MCOLN3: variants seen among roughly 807,000 people sequenced by gnomAD.
MCOLN3 encodes the protein mucolipin-3.
Under a neutral mutation model 69.4 loss-of-function variants are expected in MCOLN3, and 62 were observed. That is an observed-to-expected ratio of 0.89 (90% confidence interval 0.73 to 1.10). The LOEUF (loss-of-function observed/expected upper bound fraction) is 1.10, where lower values mean the gene tolerates loss of function less well. Ranked by LOEUF, MCOLN3 falls within the 50% of genes least tolerant of loss-of-function variation. MCOLN3 has a pLI of 0.00. For synonymous variants in MCOLN3, 183 were observed against 217.0 expected (o/e 0.84, Z 1.38); for missense variants, 564 against 656.4 (o/e 0.86, Z 1.54).
chr1:85,038,428 G>A (rs1276648134), intron 3 of MCOLN3, among the ~76,000 whole-genome samples: 1 of 152,122 alleles, frequency 6.6e-6, no homozygotes, highest in Non-Finnish European at 1.5e-5. Context: ...AGAAAATAAG[G>A]TCTCTCACAT....
intron 7 of MCOLN3, among the ~76,000 whole-genome samples, chr1:85,027,716 G>A (rs1445073955): frequency 6.6e-6 from 1 of 152,158 alleles, no homozygotes; most frequent in Non-Finnish European, 1.5e-5. Context: ...GTAAAGGAAG[G>A]CCTCACTGAG....
intron 6 of MCOLN3, chr1:85,029,412 T>C (rs559959341): frequency 7.8e-6 from 4 of 510,546 alleles, no homozygotes; most frequent in Admixed American, 3.4e-5. Flanking sequence ...ACAGAGACCC[T>C]GTAGTCTCTA....
rs1652605347 is a variant in MCOLN3 at position 85,032,800 on chromosome 1, A to C, written c.636-8T>G. ...AGCTCCACTGTTAGGAGTCTAGAAAACAGAGGTGATTTTAGTTCTGTGGCA... is the reference window on the plus strand; with the variant it reads ...AGCTCCACTGTTAGGAGTCTAGAAACCAGAGGTGATTTTAGTTCTGTGGCA... On this transcript the variant is annotated splice_polypyrimidine_tract_variant and splice_region_variant and intron_variant, in intron 5 of 12. Transcript: ENST00000370589. The C allele has an allele frequency of 6.2e-7, 1 of 1,613,972 alleles. No individual in the cohort carries two copies. The highest frequency in any genetic ancestry group is 8.5e-7 in the Non-Finnish European group (1 of 1,179,822).
intron 6 of MCOLN3, among the ~76,000 whole-genome samples, chr1:85,030,625 A>G (rs1180049965): frequency 6.6e-6 from 1 of 152,218 alleles, no homozygotes; most frequent in Admixed American, 6.5e-5. Context: ...CAGATCCAAG[A>G]TGCTCAATGA....
At chr1:85,026,848 C>T (rs1002268204) in intron 7 of MCOLN3, among the ~76,000 whole-genome samples, 1 of 138,870 alleles carries the variant, frequency 7.2e-6, no homozygotes, top group Non-Finnish European at 1.6e-5. Context: ...AATTACCTCC[C>T]TGCATATTCT....
chr1:85,022,365 A>C lies in MCOLN3; in HGVS notation c.1131T>G (p.Leu377=). ...GCCACACGAGCATGGTAGAAGTCCC[A>C]AGAAGTATGCTACAGACATCATAAC... ...LTSYDVCSIL[L]GTSTMLVWLG... is the part of the protein sequence containing the mutation. The change falls in exon 10 of 13, where the codon CTT becomes CTG. Residue 377 remains leucine, a synonymous_variant. Coordinates refer to ENST00000370589, the MANE Select transcript of MCOLN3 (RefSeq NM_018298.11). 1 of 1,613,404 alleles carries C rather than the reference A, an allele frequency of 6.2e-7. No homozygotes were observed. Among genetic ancestry groups the C allele is most frequent in the Non-Finnish European group, 8.5e-7 (1 of 1,179,444 alleles).
At chr1:85,045,916 C>G (rs1264855628) in intron 1 of MCOLN3, among the ~76,000 whole-genome samples, 1 of 152,184 alleles carries the variant, frequency 6.6e-6, no homozygotes, top group Non-Finnish European at 1.5e-5. Context: ...GACGTTTCTG[C>G]AATCTCAGGG....
At chr1:85,033,047 C>A in intron 4 of MCOLN3, 91 bp from the exon 5 acceptor site, 3 of 1,076,106 alleles carry the variant, frequency 2.8e-6, no homozygotes, top group South Asian at 1.4e-5. Context: ...TATTCAGATT[C>A]TATTATTTTT....
At chr1:85,035,455 A>C (rs34369266) in intron 3 of MCOLN3, among the ~76,000 whole-genome samples, 2,302 of 152,300 alleles carry the variant, frequency 0.015, 22 homozygotes, top group Non-Finnish European at 0.023. Flanking sequence ...ATCTCTAGTA[A>C]ATGGGCAAAC....
intron 9 of MCOLN3, 74 bp from the exon 10 acceptor site, chr1:85,022,474 T>C (rs1193321715): frequency 6.3e-6 from 6 of 959,840 alleles, no homozygotes; most frequent in African/African-American, 5.0e-5. Flanking sequence ...GAGGTAAGTA[T>C]GAGTAAGGCA....
At position 85,034,118 on chromosome 1, in the gene MCOLN3, A is replaced by T. The variant is rs1652681860; in HGVS notation, c.530T>A (p.Ile177Asn). The T allele has an allele frequency of 6.2e-7, 1 of 1,614,088 alleles. No homozygotes were observed. Among genetic ancestry groups the T allele is most frequent in the Non-Finnish European group, 8.5e-7 (1 of 1,180,032 alleles). Reference sequence around the variant, plus strand: ...ATCACCAGTTTCAATTTCTGGATCGATGTCAAAGGTATCATTTCCAGGGTA... The same window carrying T: ...ATCACCAGTTTCAATTTCTGGATCGTTGTCAAAGGTATCATTTCCAGGGTA... ...NIYPGNDTFD[I>N]DPEIETECFF... is the part of the protein sequence containing the mutation. Residue 177 changes from isoleucine to asparagine, a missense_variant, in exon 4 of 13, where the codon ATC (isoleucine) becomes AAC (asparagine). Transcript: ENST00000370589.
At chr1:85,026,419 C>T (rs923207491) in intron 7 of MCOLN3, 135 bp from the exon 8 acceptor site, 5 of 662,070 alleles carry the variant, frequency 7.6e-6, no homozygotes, top group Non-Finnish European at 1.3e-5. Flanking sequence ...AACGGTCTTC[C>T]AATTAGTATT....
chr1:85,033,820 C>G (rs1652664351), intron 4 of MCOLN3, among the ~76,000 whole-genome samples: 1 of 152,212 alleles, frequency 6.6e-6, no homozygotes, highest in Non-Finnish European at 1.5e-5. Flanking sequence ...ACTGCCTCTT[C>G]TAGCTCCATC....
chr1:85,029,569 C>G (rs1652401416), intron 6 of MCOLN3: 1 of 161,760 alleles, frequency 6.2e-6, no homozygotes, highest in Non-Finnish European at 1.3e-5. Flanking sequence ...CAAATTCCGG[C>G]AGGACCTCAG....
Position 85,019,214 on chromosome 1 carries a change from A to C in MCOLN3, c.1571T>G (p.Phe524Cys), listed in dbSNP as rs1399634745. 6.2e-6 allele frequency: 10 copies of C among 1,613,560 alleles called. No individual in the cohort carries two copies. The highest frequency in any genetic ancestry group is 7.6e-6 in the Non-Finnish European group (9 of 1,179,628). ...DGFPETELRT[F>C]ISECKDLPNS... ...GGGTAGATCTTTGCATTCTGATATAAATGTACGAAGTTCAGTCTCTGGGAA... is the reference window on the plus strand; with the variant it reads ...GGGTAGATCTTTGCATTCTGATATACATGTACGAAGTTCAGTCTCTGGGAA... The change falls in exon 13 of 13, where the codon TTT becomes TGT. Residue 524 changes from phenylalanine to cysteine, a missense_variant. Physicochemically the swap from Phe to Cys is radical, Grantham distance 205 (BLOSUM62 -2). Coordinates refer to ENST00000370589, the MANE Select transcript of MCOLN3 (RefSeq NM_018298.11).
chr1:85,043,546 T>C (rs969238175), intron 2 of MCOLN3, among the ~76,000 whole-genome samples: 1 of 148,300 alleles, frequency 6.7e-6, no homozygotes, highest in South Asian at 2.2e-4. Flanking sequence ...AAAAAAAGAA[T>C]TGAACATGAT....
Position 85,018,567 on chromosome 1 carries a change from T to C in MCOLN3, c.*556A>G, listed in dbSNP as rs1340242259. The stretch of plus-strand genomic sequence containing the variant: ...CATATCTCCATCCTTAAGTGACATA[T>C]GGCCGTATCACATTGTTAGCTGGTG... On this transcript the variant is annotated 3_prime_UTR_variant, in exon 13 of 13. Transcript: ENST00000370589. The C allele has an allele frequency of 5.2e-5, 8 of 152,472 alleles. No homozygotes were observed. Among genetic ancestry groups the C allele is most frequent in the Admixed American group, 5.2e-4 (8 of 15,288 alleles). 9.4% of individuals were successfully genotyped at this position (152,472 alleles called of 1,614,324 possible). A position where few individuals can be genotyped will look rare whatever the true frequency, so the allele number is the denominator to read the frequency against.
chr1:85,047,834 C>G (rs370466752), intron 1 of MCOLN3, among the ~76,000 whole-genome samples: 4 of 152,218 alleles, frequency 2.6e-5, no homozygotes, highest in African/African-American at 9.6e-5. Flanking sequence ...CAGCGATGTC[C>G]CAGAGCGGTC....
intron 3 of MCOLN3, among the ~76,000 whole-genome samples, chr1:85,039,825 C>A (rs1373266167): frequency 6.6e-6 from 1 of 151,806 alleles, no homozygotes; most frequent in Non-Finnish European, 1.5e-5. Context: ...GTGGTGCATG[C>A]CTGTGGCCCC....
Sources: gnomAD v4.1 joint callset for allele counts (sites outside exome capture counted in the v4.1 genomes callset) on GRCh38, gnomAD v4.1.1 for gene constraint, MANE v1.5 for transcripts, NCBI Gene and HGNC (gene_info 2026-07-23, HGNC 2026-07-21) for gene names.